The following ADGRL2 variants were observed in gnomAD, a reference collection of about 807,000 sequenced individuals.
ADGRL2 encodes the protein adhesion G protein-coupled receptor L2, also known as calcium-independent alpha-latrotoxin receptor 2.
ADGRL2 carries 44 observed loss-of-function variants against 157.4 expected under a neutral mutation model. The ratio of observed to expected loss-of-function variants is 0.28; its 90% CI spans 0.22 to 0.36. The LOEUF (loss-of-function observed/expected upper bound fraction) is 0.36, where lower values mean the gene tolerates loss of function less well. Ranked by LOEUF, ADGRL2 falls within the 10% of genes least tolerant of loss-of-function variation. The pLI is 1.00. For synonymous variants in ADGRL2, 585 were observed against 624.7 expected (o/e 0.94, Z 0.95); for missense variants, 1,510 against 1,768.9 (o/e 0.85, Z 2.63).
chr1:81,479,710 C>G (rs995569934), intron 2 of ADGRL2, among the ~76,000 whole-genome samples: 5 of 152,162 alleles, frequency 3.3e-5, no homozygotes, highest in Non-Finnish European at 4.4e-5. Flanking sequence ...CTCTTTCTCT[C>G]TTTCTGGAAC....
chr1:81,943,094 T>C lies in ADGRL2; in HGVS notation c.535T>C (p.Trp179Arg). The change falls in exon 6 of 24, where the codon TGG (tryptophan) becomes CGG (arginine). Residue 179 changes from tryptophan (W) to arginine (R), a missense_variant. Transcript: ENST00000686636. This position sits in a 1 kb window ranked among gnomAD's most constrained non-coding sequence, Gnocchi z 5.6. ...QAADKIYFMPWTPYRTDTLIE... is the reference protein window; with the variant it reads ...QAADKIYFMPRTPYRTDTLIE... ...TGCAGATAAAATTTATTTCATGCCC[T>C]GGACTCCCTATCGTACCGATACTTT... 6.2e-7 allele frequency: 1 copy of C among 1,613,540 alleles called. No homozygotes were observed. The highest frequency in any genetic ancestry group is 8.5e-7 in the Non-Finnish European group (1 of 1,179,604).
intron 13 of ADGRL2, among the ~76,000 whole-genome samples, chr1:81,966,891 T>A (rs1657215500): frequency 6.6e-6 from 1 of 152,222 alleles, no homozygotes; most frequent in African/African-American, 2.4e-5. Flanking sequence ...TAAATGACTC[T>A]AATTTGTTTT....
At chr1:81,453,027 C>A (rs1464414434) in intron 2 of ADGRL2, among the ~76,000 whole-genome samples, 1 of 152,192 alleles carries the variant, frequency 6.6e-6, no homozygotes, top group African/African-American at 2.4e-5. Flanking sequence ...TTGTTTTATG[C>A]TCCTGAATGG....
At chr1:81,431,314 A>G (rs2077316716) in intron 1 of ADGRL2, among the ~76,000 whole-genome samples, 1 of 151,658 alleles carries the variant, frequency 6.6e-6, no homozygotes, top group Non-Finnish European at 1.5e-5. Flanking sequence ...ATAACAAAGA[A>G]ACCCCACTAA....
At chr1:81,960,670 T>G (rs1202852388) in intron 11 of ADGRL2, among the ~76,000 whole-genome samples, 1 of 152,062 alleles carries the variant, frequency 6.6e-6, no homozygotes, top group Non-Finnish European at 1.5e-5. Context: ...AGACAGAGTT[T>G]CACTATGATG....
chr1:81,839,933 A>G (rs1242767371), intron 2 of ADGRL2, among the ~76,000 whole-genome samples: 1 of 139,128 alleles, frequency 7.2e-6, no homozygotes. Context: ...ATGATGGAAT[A>G]TATATATATA....
intron 3 of ADGRL2, among the ~76,000 whole-genome samples, chr1:81,607,009 T>C (rs538707558): frequency 1.6e-4 from 25 of 152,346 alleles, no homozygotes; most frequent in Admixed American, 1.1e-3. Flanking sequence ...CTATGAACTT[T>C]CAGAACTCAA....
At chr1:81,546,141 G>A (rs1228999880) in intron 2 of ADGRL2, among the ~76,000 whole-genome samples, 1 of 152,090 alleles carries the variant, frequency 6.6e-6, no homozygotes, top group Non-Finnish European at 1.5e-5. Context: ...GAATTGTGGG[G>A]AAGAAAGAAA....
At chr1:81,558,076 AC>A (rs1349611273) in intron 2 of ADGRL2, among the ~76,000 whole-genome samples, 1 of 152,192 alleles carries the variant, frequency 6.6e-6, no homozygotes, top group African/African-American at 2.4e-5. Context: ...TTCCCATTGT[AC>A]CCCATCACAC....
intron 3 of ADGRL2, among the ~76,000 whole-genome samples, chr1:81,659,282 G>C (rs1373393064): frequency 1.3e-5 from 2 of 151,986 alleles, no homozygotes; most frequent in African/African-American, 4.8e-5. Flanking sequence ...AGCTGGTCTT[G>C]AAATCCTGAC....
At chr1:81,442,342 T>A (rs1011569979) in intron 1 of ADGRL2, among the ~76,000 whole-genome samples, 5 of 152,192 alleles carry the variant, frequency 3.3e-5, no homozygotes, top group African/African-American at 9.6e-5. Context: ...AAAGATGAGC[T>A]TTTTTATTAC....
chr1:81,987,182 C>A, intron 22 of ADGRL2, 153 bp downstream of exon 22: 2 of 1,276,958 alleles, frequency 1.6e-6, no homozygotes, highest in African/African-American at 1.5e-5. Flanking sequence ...CTATGCCAGG[C>A]TTCTAAAACT....
At chr1:81,555,443 A>G (rs2080251526) in intron 2 of ADGRL2, among the ~76,000 whole-genome samples, 1 of 151,600 alleles carries the variant, frequency 6.6e-6, no homozygotes, top group Admixed American at 6.6e-5. Flanking sequence ...TAATTTTTAT[A>G]TTTTTAGTAG....
intron 2 of ADGRL2, among the ~76,000 whole-genome samples, chr1:81,849,444 C>T (rs886586859): frequency 6.6e-6 from 1 of 151,848 alleles, no homozygotes; most frequent in African/African-American, 2.4e-5. Flanking sequence ...CTAATTATTC[C>T]TAACTTACGT....
chr1:81,343,355 A>C (rs1662226624), intron 1 of ADGRL2, among the ~76,000 whole-genome samples: 1 of 151,676 alleles, frequency 6.6e-6, no homozygotes, highest in South Asian at 2.1e-4. Context: ...CTCCCAAAGT[A>C]CTGGGATTAT....
At chr1:81,913,539 G>A (rs993839461) in intron 3 of ADGRL2, among the ~76,000 whole-genome samples, 1 of 152,186 alleles carries the variant, frequency 6.6e-6, no homozygotes, top group Admixed American at 6.5e-5. Flanking sequence ...CTCTGTAGGG[G>A]ATGGGAGAGT....
Position 81,943,862 on chromosome 1 carries a change from C to T in ADGRL2, c.1210+93C>T. 1 of 958,374 alleles carries T rather than the reference C, an allele frequency of 1.0e-6. No homozygotes were observed. The highest frequency in any genetic ancestry group is 1.6e-6 in the Non-Finnish European group (1 of 638,868). The allele number at this position is 958,374 out of a possible 1,614,324, so 59.4% of individuals were successfully genotyped here. A position where few individuals can be genotyped will look rare whatever the true frequency, so the allele number is the denominator to read the frequency against. On this transcript the variant is annotated intron_variant, in intron 6 of 23. Coordinates refer to ENST00000686636, the MANE Select transcript of ADGRL2 (RefSeq NM_001366006.2). The surrounding 1 kb of genome is among the most constrained non-coding windows in gnomAD (Gnocchi z 5.6). ...TAATTTTTTTTTCCTATTTTCTTCC[C>T]CTTTTCATAGTTAAAGGACAAAGGA...
chr1:81,988,441 A>C (rs1663804584), intron 23 of ADGRL2: 1 of 151,650 alleles, frequency 6.6e-6, no homozygotes. Context: ...GCCATGTGTC[A>C]CTCATACCTT....
At chr1:81,699,425 C>T (rs190475849), upstream of ADGRL2, among the ~76,000 whole-genome samples, 825 of 152,246 alleles carry the variant, frequency 5.4e-3, 24 homozygotes, top group Admixed American at 0.04. Flanking sequence ...CTGCTTAACT[C>T]GATACTGTTC....
Sources: gnomAD v4.1 joint callset for allele counts (sites outside exome capture counted in the v4.1 genomes callset) on GRCh38, gnomAD v4.1.1 for gene constraint, Gnocchi (gnomAD v3.1) non-coding constraint, MANE v1.5 for transcripts, NCBI Gene and HGNC (gene_info 2026-07-23, HGNC 2026-07-21) for gene names.